Variants in TMED8 observed in about 807,000 individuals in gnomAD.
TMED8 encodes transmembrane p24 trafficking protein family member 8, also known as protein TMED8.
A neutral mutation model predicts 32.7 loss-of-function variants in TMED8; 15 were observed. That is an observed-to-expected ratio of 0.46 (90% CI 0.31 to 0.71). TMED8 has a LOEUF of 0.71. Among genes scored for constraint, TMED8 ranks in the 30% least tolerant of loss-of-function variants. The probability of loss-of-function intolerance (pLI) is 0.06; values close to 1 mark genes in which losing one functional copy is unlikely to be tolerated. For missense variants in TMED8, 390 were observed against 423.9 expected, an observed-to-expected ratio of 0.92 and a Z score of 0.70; for synonymous variants, 147 against 161.4, an observed-to-expected ratio of 0.91 and a Z score of 0.68.
At chr14:77,351,453 G>A (rs1382097484) in intron 2 of TMED8, among the ~76,000 whole-genome samples, 1 of 144,918 alleles carries the variant, frequency 6.9e-6, no homozygotes, top group Non-Finnish European at 1.5e-5. Flanking sequence ...AGTAGAGACG[G>A]GGTTTCACTG....
chr14:77,376,952 G>A lies in TMED8; in HGVS notation c.102C>T (p.Ser34=). The change falls in exon 1 of 6, where the codon AGC becomes AGT. Residue 34 remains serine, a synonymous_variant. Transcript: ENST00000216468. This position sits in a 1 kb window ranked among gnomAD's most constrained non-coding sequence, Gnocchi z 4.0. Reference sequence around the variant, plus strand: ...CTTGCGTACCTGAGGCGGCCGCCTGGCTCCCCTCCACTCCCTGGCAGTCCC... The same window carrying A: ...CTTGCGTACCTGAGGCGGCCGCCTGACTCCCCTCCACTCCCTGGCAGTCCC... The part of the protein sequence containing the change: ...GVGDCQGVEG[S]QAAASENEDL... 1 of 1,457,322 alleles carries A rather than the reference G, an allele frequency of 6.9e-7. No homozygotes were observed. Among genetic ancestry groups the A allele is most frequent in the Non-Finnish European group, 9.0e-7 (1 of 1,112,274 alleles). 90.3% of individuals were successfully genotyped at this position (1,457,322 alleles called of 1,614,324 possible).
At position 77,343,719 on chromosome 14, in the gene TMED8, A is replaced by C. The variant is rs1263081363; in HGVS notation, c.432T>G (p.Asp144Glu). The stretch of plus-strand genomic sequence containing the variant: ...CACCTTTCCTGTGGTCCCCCAGAAG[A>C]TCTGCAGATTCCAAATCAGCTGAAA... The part of the protein sequence containing the change: ...DVLSADLESA[D>E]LLGDHRKVSP... The change falls in exon 4 of 6, where the codon GAT (aspartate) becomes GAG (glutamate). Residue 144 changes from aspartate to glutamate, a missense_variant. Transcript: ENST00000216468. The C allele has an allele frequency of 6.2e-7, 1 of 1,614,128 alleles. No homozygotes were observed. The highest frequency in any genetic ancestry group is 8.5e-7 in the Non-Finnish European group (1 of 1,180,034).
rs540785769 is a variant in TMED8, at chr14:77,341,393, C to T, written c.*378G>A. On this transcript the variant is annotated 3_prime_UTR_variant, in exon 6 of 6. Transcript: ENST00000216468. ...AAGAGAGTGGGTGCCACTAAATGCA[C>T]TGGCAATAAGGGCTGTGGGAGAGGA... 39 of 225,146 alleles carry T rather than the reference C, an allele frequency of 1.7e-4. No individual in the cohort carries two copies. The highest frequency in any genetic ancestry group is 8.7e-4 in the African/African-American group (38 of 43,580). The allele number at this position is 225,146 out of a possible 1,614,324, so 13.9% of individuals were successfully genotyped here.
chr14:77,376,572 T>G lies in TMED8; in HGVS notation c.118+364A>C, dbSNP rs1334305106. On this transcript the variant is annotated intron_variant, in intron 1 of 5. Coordinates refer to ENST00000216468, the MANE Select transcript of TMED8 (RefSeq NM_213601.3). This position sits in a 1 kb window ranked among gnomAD's most constrained non-coding sequence, Gnocchi z 4.0. ...GCAGGGGGCGGCGAGGCCAGTAGGG[T>G]TCGGGTCGGCAGTCTAGATGTGATT... is the stretch of plus-strand genomic sequence containing the variant. The G allele has an allele frequency of 2.5e-5, 4 of 159,270 alleles. No homozygotes were observed. The highest frequency in any genetic ancestry group is 9.7e-5 in the African/African-American group (4 of 41,324). 9.9% of individuals were successfully genotyped at this position (159,270 alleles called of 1,614,324 possible). A position where few individuals can be genotyped will look rare whatever the true frequency, so the allele number is the denominator to read the frequency against.
At chr14:77,348,851 A>G (rs1219874508) in intron 2 of TMED8, among the ~76,000 whole-genome samples, 2 of 152,232 alleles carry the variant, frequency 1.3e-5, no homozygotes, top group African/African-American at 2.4e-5. Context: ...AGGTCACTCC[A>G]AGAATCAGAG....
intron 2 of TMED8, among the ~76,000 whole-genome samples, chr14:77,346,794 GTTTC>G (rs1303086456): frequency 1.9e-5 from 1 of 52,020 alleles, no homozygotes; most frequent in Non-Finnish European, 4.2e-5. Context: ...TGTCATTGTT[GTTTC>G]TTTTATTTAT....
At position 77,343,214 on chromosome 14, in the gene TMED8, C is replaced by T; in HGVS notation, c.724G>A (p.Glu242Lys). 6.2e-7 allele frequency: 1 copy of T among 1,614,166 alleles called. No individual in the cohort carries two copies. The highest frequency in any genetic ancestry group is 2.2e-5 in the East Asian group (1 of 44,878). ...TVQVSDSSDD[E>K]DEEEEEEEEI... ...TCCTCCTCTTCCTCTTCTTCATCCTCATCGTCACTGGAATCACTGACCTGC... is the reference window on the plus strand; with the variant it reads ...TCCTCCTCTTCCTCTTCTTCATCCTTATCGTCACTGGAATCACTGACCTGC... Residue 242 changes from glutamate (E) to lysine (K), a missense_variant, in exon 5 of 6, where the codon GAG (glutamate) becomes AAG (lysine). Transcript: ENST00000216468.
intron 2 of TMED8, among the ~76,000 whole-genome samples, chr14:77,349,850 A>AAG (rs2139612034): frequency 6.6e-6 from 1 of 152,314 alleles, no homozygotes; most frequent in East Asian, 1.9e-4. Context: ...GATATCTTAA[A>AAG]AGTGCCGTGG....
In TMED8 at chr14:77,351,403, C is replaced by A. The variant is rs549333957; in HGVS notation, c.197+270G>T. Among the ~76,000 whole-genome samples the A allele has an allele frequency of 4.5e-3, 665 of 148,460 alleles. 2 individuals carry two copies. The highest frequency in any genetic ancestry group is 0.015 in the African/African-American group (618 of 39,908). ...ACAGGCGTGTAGTCTGGCCACCACG[C>A]CCCGCTAATTTTTTTTTTTTTTTTT... On this transcript the variant is annotated intron_variant, in intron 2 of 5. Transcript: ENST00000216468.
chr14:77,374,988 T>G (rs1157475653), intron 1 of TMED8, among the ~76,000 whole-genome samples: 2 of 152,186 alleles, frequency 1.3e-5, no homozygotes, highest in African/African-American at 4.8e-5. Context: ...CAGTAAAAAC[T>G]TGCGCTAACT....
intron 1 of TMED8, among the ~76,000 whole-genome samples, chr14:77,372,915 T>C: frequency 1.5e-4 from 1 of 6,836 alleles, no homozygotes; most frequent in Non-Finnish European, 2.8e-4. Flanking sequence ...ATTATATATA[T>C]ATATATATAT....
intron 1 of TMED8, among the ~76,000 whole-genome samples, chr14:77,368,037 C>T (rs1893596567): frequency 6.6e-6 from 1 of 152,116 alleles, no homozygotes. Context: ...ATGAATCCAC[C>T]ATGAGCTATC....
At chr14:77,343,136 A>G (rs2139602186) in intron 5 of TMED8, 42 bp downstream of exon 5, 1 of 1,588,788 alleles carries the variant, frequency 6.3e-7, no homozygotes, top group South Asian at 1.1e-5. Context: ...CAGAAATCAG[A>G]TTAAGCCAGA....
chr14:77,369,460 T>C (rs557742993), intron 1 of TMED8, among the ~76,000 whole-genome samples: 2 of 152,382 alleles, frequency 1.3e-5, no homozygotes, highest in South Asian at 2.1e-4. Context: ...TTTTAGGGCA[T>C]GGCCTTTCAT....
At chr14:77,354,995 A>G (rs1432683925) in intron 1 of TMED8, among the ~76,000 whole-genome samples, 1 of 151,342 alleles carries the variant, frequency 6.6e-6, no homozygotes, top group African/African-American at 2.4e-5. Flanking sequence ...ATGTTGCCCA[A>G]GCTAGTCTTG....
chr14:77,344,987 C>T (rs1892991108), intron 3 of TMED8, among the ~76,000 whole-genome samples: 1 of 152,068 alleles, frequency 6.6e-6, no homozygotes, highest in Non-Finnish European at 1.5e-5. Context: ...TTCCTCATTT[C>T]TTTCTTTCAT....
chr14:77,359,099 G>C (rs547949464), intron 1 of TMED8, among the ~76,000 whole-genome samples: 17 of 152,186 alleles, frequency 1.1e-4, no homozygotes, highest in African/African-American at 3.9e-4. Context: ...TGTAGAGATG[G>C]GGTTTTGCCA....
At position 77,375,510 on chromosome 14, in the gene TMED8, G is replaced by A. The variant is rs558071067; in HGVS notation, c.118+1426C>T. Among the ~76,000 whole-genome samples the A allele has an allele frequency of 4.6e-5, 7 of 152,292 alleles. No homozygotes were observed. In the South Asian group the frequency reaches 1.5e-3, roughly 32 times the overall value. ...ACTTGCTTAGTCTTTTAGACATTATGCTTAGAATTTCTACTGCTATGTTAA... is the reference window on the plus strand; with the variant it reads ...ACTTGCTTAGTCTTTTAGACATTATACTTAGAATTTCTACTGCTATGTTAA... On this transcript the variant is annotated intron_variant, in intron 1 of 5. Transcript: ENST00000216468.
chr14:77,376,009 T>C lies in TMED8; in HGVS notation c.118+927A>G, dbSNP rs1271851792. The stretch of plus-strand genomic sequence containing the variant: ...GCCTCAACCATTATACTTTATGGTG[T>C]CTATTTTAATTTCAGACCTAGAAAA... On this transcript the variant is annotated intron_variant, in intron 1 of 5. Coordinates refer to ENST00000216468, the MANE Select transcript of TMED8 (RefSeq NM_213601.3). The surrounding 1 kb of genome is among the most constrained non-coding windows in gnomAD (Gnocchi z 4.0). 6.6e-6 allele frequency among the ~76,000 whole-genome samples: 1 copy of C among 152,254 alleles called. No homozygotes were observed. Among genetic ancestry groups the C allele is most frequent in the Non-Finnish European group, 1.5e-5 (1 of 68,046 alleles).
Sources: gnomAD v4.1 joint callset for allele counts (sites outside exome capture counted in the v4.1 genomes callset) on GRCh38, gnomAD v4.1.1 for gene constraint, Gnocchi (gnomAD v3.1) non-coding constraint, MANE v1.5 for transcripts, NCBI Gene and HGNC (gene_info 2026-07-23, HGNC 2026-07-21) for gene names.